Variants in SGCD observed in about 807,000 individuals in gnomAD.
SGCD encodes delta-sarcoglycan.
A neutral mutation model predicts 36.6 loss-of-function variants in SGCD; 18 were observed. The ratio of observed to expected loss-of-function variants is 0.49; its 90% CI spans 0.34 to 0.73. The LOEUF (loss-of-function observed/expected upper bound fraction) is 0.73. Among genes scored for constraint, SGCD ranks in the 30% least tolerant of loss-of-function variants. SGCD has a pLI of 0.01. For synonymous variants in SGCD, 133 were observed against 130.6 expected (o/e 1.02, Z -0.12); for missense variants, 387 against 346.7 (o/e 1.12, Z -0.92).
At chr5:155,808,360 A>T in the SGCD span, among the ~76,000 whole-genome samples, 2 of 152,104 alleles carry the variant, frequency 1.3e-5, no homozygotes, top group East Asian at 3.8e-4. Flanking sequence ...CTGGACAGTA[A>T]CTCAATCTGG....
intron 7 of SGCD, among the ~76,000 whole-genome samples, chr5:156,729,408 A>T (rs1057027163): frequency 9.2e-5 from 14 of 152,242 alleles, no homozygotes; most frequent in African/African-American, 3.4e-4. Flanking sequence ...ACAGTGGCTT[A>T]ACGCAAAGGC....
chr5:156,168,337 C>T (rs542859319), intron 3 of SGCD, among the ~76,000 whole-genome samples: 1 of 151,360 alleles, frequency 6.6e-6, no homozygotes, highest in Non-Finnish European at 1.5e-5. Flanking sequence ...TGTGTCACCA[C>T]TATTTTACCA....
the SGCD span, among the ~76,000 whole-genome samples, chr5:155,852,171 A>G: frequency 3.9e-4 from 59 of 152,186 alleles, no homozygotes; most frequent in African/African-American, 1.4e-3. Context: ...GAAGTTAGAG[A>G]ACAATGTCTC....
At chr5:156,122,843 TAAAAA>T (rs33983852) in intron 2 of SGCD, among the ~76,000 whole-genome samples, 17 of 54,154 alleles carry the variant, frequency 3.1e-4, no homozygotes, top group African/African-American at 5.7e-4. Context: ...AAAGATGTGG[TAAAAA>T]AAAAAAAAAA....
intron 6 of SGCD, among the ~76,000 whole-genome samples, chr5:156,616,751 A>G (rs1382708209): frequency 6.6e-6 from 1 of 152,194 alleles, no homozygotes; most frequent in Admixed American, 6.5e-5. Flanking sequence ...TAAAAACAGC[A>G]TGTTCCCATT....
At position 156,452,135 on chromosome 5, in the gene SGCD, C is replaced by T. The variant is rs1754048877; in HGVS notation, c.193-56466C>T. Among the ~76,000 whole-genome samples the T allele has an allele frequency of 2.6e-5, 4 of 152,088 alleles. No homozygotes were observed. The South Asian group carries it at 8.3e-4, about 32-fold the overall frequency. ...TAGTTGTAGTAGCTTCCCTTGACCT[C>T]CTGAGTCAACCATACCCACCGTGCT... On this transcript the variant is annotated intron_variant, in intron 3 of 8. Coordinates refer to ENST00000337851, the MANE Select transcript of SGCD (RefSeq NM_000337.6).
At chr5:155,877,551 A>G (rs566686691) in intron 1 of SGCD, among the ~76,000 whole-genome samples, 10 of 152,136 alleles carry the variant, frequency 6.6e-5, no homozygotes, top group Non-Finnish European at 1.3e-4. Flanking sequence ...CCCAGTTCAG[A>G]GTAAGCACTC....
intron 3 of SGCD, among the ~76,000 whole-genome samples, chr5:156,483,982 A>G (rs144942424): frequency 2.0e-5 from 3 of 152,324 alleles, no homozygotes; most frequent in African/African-American, 2.4e-5. Flanking sequence ...GCAGCAGCAG[A>G]AGGAAACTGT....
At chr5:156,715,757 A>G (rs369367504) in intron 7 of SGCD, among the ~76,000 whole-genome samples, 105 of 152,262 alleles carry the variant, frequency 6.9e-4, no homozygotes, top group African/African-American at 2.5e-3. Context: ...CAGGCCCCAT[A>G]AGGCTGTTAT....
At chr5:156,355,450 T>C (rs1044108617) in intron 3 of SGCD, among the ~76,000 whole-genome samples, 2 of 152,238 alleles carry the variant, frequency 1.3e-5, no homozygotes, top group Non-Finnish European at 2.9e-5. Context: ...CTTTCAATAT[T>C]CTTAATTGGA....
rs75304075 is a variant in SGCD, at chr5:156,656,011, C to T, written c.575+8475C>T. ...GTTTCCTTGTAGGATTCTGATCCTACGAGAATAGGAAGTAGACGGTAAAAT... is the reference window on the plus strand; with the variant it reads ...GTTTCCTTGTAGGATTCTGATCCTATGAGAATAGGAAGTAGACGGTAAAAT... On this transcript the variant is annotated intron_variant, in intron 7 of 8. Coordinates refer to ENST00000337851, the MANE Select transcript of SGCD (RefSeq NM_000337.6). Among the ~76,000 whole-genome samples the T allele has an allele frequency of 5.0e-3, 762 of 152,002 alleles. 6 individuals are homozygous for T. The highest frequency in any genetic ancestry group is 0.017 in the African/African-American group (706 of 41,454).
At position 156,268,036 on chromosome 5, in the gene SGCD, A is replaced by G. The variant is rs192183839; in HGVS notation, c.-43-61498A>G. 1.3e-3 allele frequency among the ~76,000 whole-genome samples: 197 copies of G among 152,122 alleles called. 1 individual carries two copies. The highest frequency in any genetic ancestry group is 4.4e-3 in the African/African-American group (181 of 41,488). On this transcript the variant is annotated intron_variant, in intron 3 of 9. Transcript: ENST00000517913. ...CAGTGTCTGCTGTTCCCTTCTTTGT[A>G]TTCATGTGTTCTCATTATTTAGCTC...
chr5:156,060,722 T>C (rs1242728743), intron 1 of SGCD, among the ~76,000 whole-genome samples: 2 of 146,202 alleles, frequency 1.4e-5, no homozygotes, highest in Non-Finnish European at 3.1e-5. Flanking sequence ...ATATGGCTGT[T>C]TGAATCTTAA....
chr5:156,324,038 C>T (rs1443163792), upstream of SGCD, among the ~76,000 whole-genome samples: 2 of 152,118 alleles, frequency 1.3e-5, no homozygotes, highest in East Asian at 3.8e-4. Flanking sequence ...TCAAATTATA[C>T]TTTTTAAAAA....
In SGCD at chr5:156,117,175, A is replaced by G. The variant is rs185256389; in HGVS notation, c.-281-703A>G. ...TGCTCTGTGCCTCTAAGAAATGGACATGAAACAGAGTCCATACTCTGAATA... is the reference window on the plus strand; with the variant it reads ...TGCTCTGTGCCTCTAAGAAATGGACGTGAAACAGAGTCCATACTCTGAATA... On this transcript the variant is annotated intron_variant, in intron 1 of 9. Coordinates refer to the SGCD transcript ENST00000517913. Among the ~76,000 whole-genome samples the G allele has an allele frequency of 1.0e-3, 153 of 152,274 alleles. 2 individuals carry two copies. Among genetic ancestry groups the G allele is most frequent in the Non-Finnish European group, 4.4e-4 (30 of 68,012 alleles).
chr5:156,049,144 G>A (rs915321512), intron 1 of SGCD, among the ~76,000 whole-genome samples: 11 of 146,094 alleles, frequency 7.5e-5, no homozygotes, highest in African/African-American at 2.7e-4. Context: ...TAGATATGCA[G>A]CATTATTTCT....
chr5:155,835,025 T>TTTTTTTTTA, the SGCD span, among the ~76,000 whole-genome samples: 1 of 140,042 alleles, frequency 7.1e-6, no homozygotes, highest in African/African-American at 2.8e-5. Flanking sequence ...TTTTTTTTTT[T>TTTTTTTTTA]GAGACAGAGT....
intron 3 of SGCD, among the ~76,000 whole-genome samples, chr5:156,473,163 G>A (rs775880754): frequency 1.7e-4 from 26 of 152,110 alleles, no homozygotes; most frequent in Non-Finnish European, 3.5e-4. Flanking sequence ...TACCAACTGT[G>A]CAATACTTAC....
intron 7 of SGCD, among the ~76,000 whole-genome samples, chr5:156,691,703 G>A (rs1754117201): frequency 6.6e-6 from 1 of 152,304 alleles, no homozygotes; most frequent in South Asian, 2.1e-4. Context: ...TGCATGCCAT[G>A]CAAAAACAGA....
Sources: allele counts gnomAD v4.1 joint callset (sites outside exome capture counted in the v4.1 genomes callset), GRCh38; gene constraint gnomAD v4.1.1; transcripts MANE v1.5; gene names NCBI Gene and HGNC (gene_info 2026-07-23, HGNC 2026-07-21).